Variants in CHD5 observed in about 807,000 individuals in gnomAD.
CHD5 encodes chromodomain helicase DNA binding protein 5.
In CHD5, 69 loss-of-function variants were observed where a neutral mutation model predicts 230.3. The observed-to-expected ratio is 0.30, with a 90% CI of 0.25 to 0.37. The LOEUF is 0.37. Among genes scored for constraint, CHD5 ranks in the 10% least tolerant of loss-of-function variants. The pLI, the probability that CHD5 is intolerant of heterozygous loss-of-function variation, is 1.00. For missense variants in CHD5, 1,827 were observed against 2,622.8 expected (o/e 0.70, Z 6.63); for synonymous variants, 1,064 against 1,065.9 (o/e 1.00, Z 0.03).
In CHD5 at chr1:6,132,535, AT is replaced by A. The variant is rs1047345711; in HGVS notation, c.3145-788del. Among the ~76,000 whole-genome samples, 11 of 151,986 alleles carry A rather than the reference AT, an allele frequency of 7.2e-5. 1 individual carries two copies. The highest frequency in any genetic ancestry group is 6.5e-4 in the Admixed American group (10 of 15,270). ...TCTCAACAAATCCAACTTCTTCACCATTTTTTCTGTTTCTTCTGCAACTCCA... is the reference window on the plus strand; with the variant it reads ...TCTCAACAAATCCAACTTCTTCACCATTTTTCTGTTTCTTCTGCAACTCCA... On this transcript the variant is annotated intron_variant, in intron 20 of 41. Coordinates refer to ENST00000262450, the MANE Select transcript of CHD5 (RefSeq NM_015557.3).
chr1:6,127,909 C>CTGGAGGGCGGGGTCACAGCT lies in CHD5; in HGVS notation c.3903+117_3903+136dup, dbSNP rs1217066919. On this transcript the variant is annotated intron_variant, in intron 25 of 41. Coordinates refer to ENST00000262450, the MANE Select transcript of CHD5 (RefSeq NM_015557.3). ...CACAGCAGGGAGGGCGGGGCTGCGGCTGGAGGGCGGGGTCACAGCTTGGAG... is the reference window on the plus strand; with the variant it reads ...CACAGCAGGGAGGGCGGGGCTGCGGCTGGAGGGCGGGGTCACAGCTTGGAGGGCGGGGTCACAGCTTGGAG... The CTGGAGGGCGGGGTCACAGCT allele has an allele frequency of 2.2e-4, 157 of 708,614 alleles. 2 individuals carry two copies. The African/African-American group carries it at 2.7e-3, about 12-fold the overall frequency. The allele number at this position is 708,614 out of a possible 1,614,324, so 43.9% of individuals were successfully genotyped here.
At chr1:6,164,754 T>G (rs550735036) in intron 2 of CHD5, among the ~76,000 whole-genome samples, 13 of 152,300 alleles carry the variant, frequency 8.5e-5, no homozygotes, top group African/African-American at 3.1e-4. Context: ...GGCTCTCAAA[T>G]GCAGGGGAGG....
Position 6,155,199 on chromosome 1 carries a change from C to A in CHD5, c.507-301G>T, listed in dbSNP as rs1475546132. ...ACAGCCCACCCCCAAAACACCCCAGCTTCCTGTCCACACAGTTGGTGATTT... is the reference window on the plus strand; with the variant it reads ...ACAGCCCACCCCCAAAACACCCCAGATTCCTGTCCACACAGTTGGTGATTT... On this transcript the variant is annotated intron_variant, in intron 4 of 41. Coordinates refer to ENST00000262450, the MANE Select transcript of CHD5 (RefSeq NM_015557.3). The surrounding 1 kb of genome is among the most constrained non-coding windows in gnomAD (Gnocchi z 4.0). Among the ~76,000 whole-genome samples the A allele has an allele frequency of 6.6e-6, 1 of 151,884 alleles. No individual in the cohort carries two copies. The highest frequency in any genetic ancestry group is 1.5e-5 in the Non-Finnish European group (1 of 67,980).
rs374590811 is a variant in CHD5 at position 6,142,344 on chromosome 1, G to A, written c.2236-16C>T. On this transcript the variant is annotated splice_polypyrimidine_tract_variant and intron_variant, in intron 14 of 41. Transcript: ENST00000262450. The surrounding 1 kb of genome is among the most constrained non-coding windows in gnomAD (Gnocchi z 5.2). Reference sequence around the variant, plus strand: ...TGGAGTGGCCCTGGAGAGAGAGGCCGATGCCGTGAGACCACCTGCCCTTGG... The same window carrying A: ...TGGAGTGGCCCTGGAGAGAGAGGCCAATGCCGTGAGACCACCTGCCCTTGG... The A allele has an allele frequency of 5.2e-5, 83 of 1,597,556 alleles. No homozygotes were observed. Among genetic ancestry groups the A allele is most frequent in the South Asian group, 5.1e-4 (46 of 90,304 alleles).
At chr1:6,168,517 C>G (rs575941174) in intron 1 of CHD5, among the ~76,000 whole-genome samples, 3 of 152,334 alleles carry the variant, frequency 2.0e-5, no homozygotes, top group South Asian at 2.1e-4. Flanking sequence ...GTAAATGGGA[C>G]AATAACCACC....
rs577043711 is a variant in CHD5 at position 6,149,150 on chromosome 1, A to G, written c.1162-75T>C. 3.0e-4 allele frequency: 439 copies of G among 1,467,002 alleles called. 1 individual carries two copies. In the African/African-American group the frequency reaches 4.8e-3, roughly 16 times the overall value. The allele number at this position is 1,467,002 out of a possible 1,614,324, so 90.9% of individuals were successfully genotyped here. The stretch of plus-strand genomic sequence containing the variant: ...CCAGGCCCGACTCCCTCCCTCCCCT[A>G]CAGCATCTCCCCGCATTCTGCCCCC... On this transcript the variant is annotated intron_variant, in intron 8 of 41. Transcript: ENST00000262450.
rs536362691 is a variant in CHD5 at position 6,132,553 on chromosome 1, G to A, written c.3145-805C>T. 1.1e-4 allele frequency among the ~76,000 whole-genome samples: 16 copies of A among 152,226 alleles called. No individual in the cohort carries two copies. The South Asian group carries it at 2.7e-3, about 26-fold the overall frequency. ...CTTCACCATTTTTTCTGTTTCTTCT[G>A]CAACTCCAATTGGATGATTGTTGGA... On this transcript the variant is annotated intron_variant, in intron 20 of 41. Coordinates refer to ENST00000262450, the MANE Select transcript of CHD5 (RefSeq NM_015557.3).
chr1:6,134,080 T>C lies in CHD5; in HGVS notation c.3144+48A>G. The C allele has an allele frequency of 1.3e-6, 2 of 1,584,408 alleles. No homozygotes were observed. Among genetic ancestry groups the C allele is most frequent in the Non-Finnish European group, 1.7e-6 (2 of 1,165,396 alleles). On this transcript the variant is annotated intron_variant, in intron 20 of 41. Coordinates refer to ENST00000262450, the MANE Select transcript of CHD5 (RefSeq NM_015557.3). This position sits in a 1 kb window ranked among gnomAD's most constrained non-coding sequence, Gnocchi z 6.3. ...GCCCCCAAGCATCAGGGCAGGATGC[T>C]CTCTGTGGGGTGTGGAGCCGGGGCG...
intron 1 of CHD5, among the ~76,000 whole-genome samples, chr1:6,170,492 T>G (rs910242893): frequency 2.0e-5 from 3 of 152,156 alleles, no homozygotes; most frequent in Non-Finnish European, 4.4e-5. Context: ...GGGGCCAATG[T>G]GCACCAGTGG....
intron 38 of CHD5, among the ~76,000 whole-genome samples, chr1:6,108,316 C>A (rs754592483): frequency 2.9e-4 from 33 of 115,386 alleles, no homozygotes; most frequent in Non-Finnish European, 4.9e-4. Flanking sequence ...GATGGAGAGA[C>A]GGAGGGATGA....
In CHD5 at chr1:6,155,715, C is replaced by T. The variant is rs375669277; in HGVS notation, c.390G>A (p.Glu130=). ...CCATGAGCTGCCCCGAGGACTTGGG[C>T]TCCTACAGAGACCCAGGCCAGAGGT... ...EDDNDDGCLK[E]PKSSGQLMAE... Residue 130 remains glutamate (E), a splice_region_variant and synonymous_variant, in exon 4 of 42, where the codon GAG becomes GAA. Coordinates refer to ENST00000262450, the MANE Select transcript of CHD5 (RefSeq NM_015557.3). The surrounding 1 kb of genome is among the most constrained non-coding windows in gnomAD (Gnocchi z 4.0). 11 of 1,613,448 alleles carry T rather than the reference C, an allele frequency of 6.8e-6. No individual in the cohort carries two copies. The highest frequency in any genetic ancestry group is 1.1e-5 in the South Asian group (1 of 91,058).
At chr1:6,162,347 T>C (rs1289984542) in intron 2 of CHD5, among the ~76,000 whole-genome samples, 3 of 151,196 alleles carry the variant, frequency 2.0e-5, no homozygotes, top group African/African-American at 4.9e-5. Flanking sequence ...GATCGCACCA[T>C]TGTACTCCAG....
At position 6,126,505 on chromosome 1, in the gene CHD5, T is replaced by G. The variant is rs1571146907; in HGVS notation, c.4078+67A>C. On this transcript the variant is annotated intron_variant, in intron 26 of 41. Coordinates refer to ENST00000262450, the MANE Select transcript of CHD5 (RefSeq NM_015557.3). This position sits in a 1 kb window ranked among gnomAD's most constrained non-coding sequence, Gnocchi z 5.7. ...CCGGGGGTTCTGCACAGGGATGCCC[T>G]GACAGAATCCTGCCCCACCCTCCGC... The G allele has an allele frequency of 6.7e-6, 9 of 1,335,384 alleles. No individual in the cohort carries two copies. The highest frequency in any genetic ancestry group is 8.5e-6 in the Non-Finnish European group (8 of 935,818). The allele number at this position is 1,335,384 out of a possible 1,614,324, so 82.7% of individuals were successfully genotyped here.
In CHD5 at chr1:6,130,372, ACCT is replaced by A. The variant is rs750650466; in HGVS notation, c.3263-47_3263-45del. The A allele has an allele frequency of 3.1e-6, 5 of 1,595,218 alleles. No individual in the cohort carries two copies. The highest frequency in any genetic ancestry group is 4.3e-6 in the Non-Finnish European group (5 of 1,168,464). ...CAGATGGGAGTGTTTGGGGGGGTAC[ACCT>A]TGGGTGGGCAGAAAGGATGGGGGAG... On this transcript the variant is annotated intron_variant, in intron 21 of 41. Transcript: ENST00000262450. The surrounding 1 kb of genome is among the most constrained non-coding windows in gnomAD (Gnocchi z 4.9).
At chr1:6,169,154 C>A (rs1478644451) in intron 1 of CHD5, among the ~76,000 whole-genome samples, 1 of 152,136 alleles carries the variant, frequency 6.6e-6, no homozygotes, top group East Asian at 1.9e-4. Context: ...TGAGAGGATG[C>A]CACCTTAATG....
chr1:6,179,221 C>T (rs1667472609), intron 1 of CHD5, among the ~76,000 whole-genome samples: 1 of 152,206 alleles, frequency 6.6e-6, no homozygotes, highest in African/African-American at 2.4e-5. Context: ...GCAGGGTGGG[C>T]TGGGAACGGC....
intron 11 of CHD5, among the ~76,000 whole-genome samples, chr1:6,145,160 C>T (rs569068489): frequency 1.6e-4 from 24 of 152,270 alleles, no homozygotes; most frequent in African/African-American, 2.4e-4. Flanking sequence ...TCAAATTCCG[C>T]GACCCTCGTA....
At chr1:6,165,186 C>T (rs1206907750) in intron 2 of CHD5, among the ~76,000 whole-genome samples, 5 of 152,084 alleles carry the variant, frequency 3.3e-5, no homozygotes, top group South Asian at 2.1e-4. Context: ...CTCAAAGACC[C>T]CCTGGCCCCC....
At chr1:6,144,214 T>G in intron 11 of CHD5, 59 bp from the exon 12 acceptor site, 1 of 1,603,702 alleles carries the variant, frequency 6.2e-7, no homozygotes, top group Admixed American at 1.7e-5. Flanking sequence ...ACAGGTTTGA[T>G]GAAGGGCACC....
Sources: gnomAD v4.1 joint callset for allele counts (sites outside exome capture counted in the v4.1 genomes callset) on GRCh38, gnomAD v4.1.1 for gene constraint, Gnocchi (gnomAD v3.1) non-coding constraint, MANE v1.5 for transcripts, NCBI Gene and HGNC (gene_info 2026-07-23, HGNC 2026-07-21) for gene names.